CTIF: variants seen among roughly 807,000 people sequenced by gnomAD.
CTIF encodes cap binding complex dependent translation initiation factor.
A neutral mutation model predicts 66.0 loss-of-function variants in CTIF; 21 were observed. The observed-to-expected ratio is 0.32, with a 90% confidence interval of 0.23 to 0.46. CTIF has a LOEUF of 0.46. Among genes scored for constraint, CTIF ranks in the 20% least tolerant of loss-of-function variants. The probability of loss-of-function intolerance (pLI) is 1.00; values close to 1 mark genes in which losing one functional copy is unlikely to be tolerated. For synonymous variants in CTIF, 345 were observed against 326.4 expected, an observed-to-expected ratio of 1.06 and a Z score of -0.62; for missense variants, 739 against 812.7, an observed-to-expected ratio of 0.91 and a Z score of 1.10.
chr18:48,606,414 A>G (rs531454399), intron 1 of CTIF, among the ~76,000 whole-genome samples: 6 of 152,344 alleles, frequency 3.9e-5, no homozygotes, highest in African/African-American at 1.4e-4. Flanking sequence ...TGGGAGGGTA[A>G]CAGGGGGTGG....
intron 7 of CTIF, among the ~76,000 whole-genome samples, chr18:48,751,910 C>T (rs1182071439): frequency 2.6e-5 from 4 of 151,984 alleles, no homozygotes; most frequent in Non-Finnish European, 4.4e-5. Context: ...ATTAATGAAA[C>T]AATAATGAAC....
chr18:48,732,298 G>C (rs1217798097), intron 7 of CTIF, among the ~76,000 whole-genome samples: 6 of 152,184 alleles, frequency 3.9e-5, no homozygotes, highest in African/African-American at 1.2e-4. Context: ...TGCCTCAGGG[G>C]TAACAGAAGA....
At chr18:48,640,740 C>T (rs763318082) in intron 3 of CTIF, among the ~76,000 whole-genome samples, 3 of 152,198 alleles carry the variant, frequency 2.0e-5, no homozygotes, top group African/African-American at 4.8e-5. Context: ...CACCAGGGCC[C>T]AGGGCCCAGA....
At chr18:48,636,830 G>A in intron 3 of CTIF, 145 bp downstream of exon 3, 1 of 498,592 alleles carries the variant, frequency 2.0e-6, no homozygotes, top group Non-Finnish European at 3.3e-6. Context: ...CTGTTCCCTG[G>A]AAAGCCCTCC....
rs35444590 is a variant in CTIF at position 48,572,142 on chromosome 18, C to G, written c.-29+32830C>G. On this transcript the variant is annotated intron_variant, in intron 1 of 11. Transcript: ENST00000256413. ...CTTTCTCCTTCCTCTTTCTTCCTTC[C>G]TCCTTCCTTCCTTTCTTCTTGAAAC... Among the ~76,000 whole-genome samples the G allele has an allele frequency of 4.5e-3, 685 of 151,966 alleles. 5 individuals are homozygous for G. Among genetic ancestry groups the G allele is most frequent in the Non-Finnish European group, 7.8e-3 (531 of 67,970 alleles).
chr18:48,591,801 G>T (rs546868054), intron 1 of CTIF, among the ~76,000 whole-genome samples: 2 of 152,344 alleles, frequency 1.3e-5, no homozygotes, highest in Non-Finnish European at 2.9e-5. Context: ...AGGCTGGGGT[G>T]CAGTAGCACA....
chr18:48,652,176 A>G (rs1413986097), intron 3 of CTIF, among the ~76,000 whole-genome samples: 6 of 152,246 alleles, frequency 3.9e-5, no homozygotes, highest in Non-Finnish European at 7.3e-5. Flanking sequence ...AACCCTTCAA[A>G]AAATCAATGA....
rs577327355 is a variant in CTIF, at chr18:48,750,255, G to A, written c.585-7664G>A. On this transcript the variant is annotated intron_variant, in intron 7 of 11. Coordinates refer to ENST00000256413, the MANE Select transcript of CTIF (RefSeq NM_014772.3). ...AGGTGGGCATACTGAGCCACGGGGA[G>A]TTGAGTGGTTGGCCAAAGCTGCACA... Among the ~76,000 whole-genome samples the A allele has an allele frequency of 1.6e-4, 24 of 152,316 alleles. 1 individual carries two copies. The highest frequency in any genetic ancestry group is 5.8e-4 in the African/African-American group (24 of 41,578).
At chr18:48,734,597 C>T (rs1270611313) in intron 7 of CTIF, among the ~76,000 whole-genome samples, 1 of 152,066 alleles carries the variant, frequency 6.6e-6, no homozygotes. Context: ...TATTTGAATC[C>T]CAGGATTCAT....
intron 10 of CTIF, among the ~76,000 whole-genome samples, chr18:48,836,606 C>T (rs935412205): frequency 2.6e-5 from 4 of 152,232 alleles, no homozygotes; most frequent in African/African-American, 9.6e-5. Flanking sequence ...GGACTGCCAG[C>T]ACCTGCCATT....
intron 1 of CTIF, among the ~76,000 whole-genome samples, chr18:48,613,417 A>C (rs2090344536): frequency 6.6e-6 from 1 of 152,102 alleles, no homozygotes; most frequent in Admixed American, 6.5e-5. Flanking sequence ...TTTCCTAAGG[A>C]AGCTACAGAG....
At chr18:48,691,495 T>G (rs1291239560) in intron 6 of CTIF, among the ~76,000 whole-genome samples, 1 of 151,904 alleles carries the variant, frequency 6.6e-6, no homozygotes, top group Non-Finnish European at 1.5e-5. Flanking sequence ...CAGCCCAGTG[T>G]TCCAGATTCG....
chr18:48,772,809 TCTGTTTGAGTCCCTG>T (rs1426470176), intron 9 of CTIF, among the ~76,000 whole-genome samples: 1 of 152,260 alleles, frequency 6.6e-6, no homozygotes, highest in African/African-American at 2.4e-5. Context: ...TGCACAAATA[TCTGTTTGAGTCCCTG>T]CTTTTGATTC....
intron 6 of CTIF, among the ~76,000 whole-genome samples, chr18:48,695,743 A>G (rs1437072030): frequency 6.6e-6 from 1 of 152,170 alleles, no homozygotes; most frequent in Non-Finnish European, 1.5e-5. Context: ...GATAGCTCAT[A>G]ATCCATGTAG....
chr18:48,598,418 A>G (rs2090026805), intron 1 of CTIF, among the ~76,000 whole-genome samples: 1 of 152,230 alleles, frequency 6.6e-6, no homozygotes, highest in South Asian at 2.1e-4. Flanking sequence ...AGGCCAAGGT[A>G]GCACCTTCCA....
At chr18:48,858,787 C>G (rs1456456396) in intron 11 of CTIF, among the ~76,000 whole-genome samples, 2 of 152,152 alleles carry the variant, frequency 1.3e-5, no homozygotes, top group Non-Finnish European at 2.9e-5. Flanking sequence ...CTTCCTGTCA[C>G]AAGCATGAGC....
At position 48,645,081 on chromosome 18, in the gene CTIF, A is replaced by G. The variant is rs546225883; in HGVS notation, c.252+8396A>G. ...GAAAATGCAATAGATGTTCTTATCT[A>G]TATTTCTCCTGCTAAATACAACTAA... On this transcript the variant is annotated intron_variant, in intron 3 of 11. Coordinates refer to ENST00000256413, the MANE Select transcript of CTIF (RefSeq NM_014772.3). 7.4e-4 allele frequency among the ~76,000 whole-genome samples: 112 copies of G among 152,334 alleles called. 1 individual carries two copies. The highest frequency in any genetic ancestry group is 1.2e-3 in the Admixed American group (18 of 15,308).
At chr18:48,771,503 C>G (rs909461339) in intron 9 of CTIF, among the ~76,000 whole-genome samples, 2 of 152,202 alleles carry the variant, frequency 1.3e-5, no homozygotes, top group African/African-American at 4.8e-5. Context: ...AATTATTTCA[C>G]CATCACCCGT....
chr18:48,744,151 T>G (rs2092576560), intron 7 of CTIF, among the ~76,000 whole-genome samples: 1 of 152,180 alleles, frequency 6.6e-6, no homozygotes, highest in Non-Finnish European at 1.5e-5. Flanking sequence ...ACACTCAAGT[T>G]CCATTAGGGA....
Sources: gnomAD v4.1 joint callset for allele counts (sites outside exome capture counted in the v4.1 genomes callset) on GRCh38, gnomAD v4.1.1 for gene constraint, MANE v1.5 for transcripts, NCBI Gene and HGNC (gene_info 2026-07-23, HGNC 2026-07-21) for gene names.